DOCK10: variants seen among roughly 807,000 people sequenced by gnomAD.
DOCK10 encodes dedicator of cytokinesis 10.
DOCK10 carries 145 observed loss-of-function variants against 280.1 expected under a neutral mutation model. The observed-to-expected ratio is 0.52, with a 90% CI of 0.45 to 0.59. The LOEUF is 0.59. Among genes scored for constraint, DOCK10 ranks in the 20% least tolerant of loss-of-function variants. The probability of loss-of-function intolerance (pLI) is 0.00; values close to 1 mark genes in which losing one functional copy is unlikely to be tolerated. For synonymous variants in DOCK10, 915 were observed against 942.2 expected, an observed-to-expected ratio of 0.97 and a Z score of 0.53; for missense variants, 2,368 against 2,651.7, an observed-to-expected ratio of 0.89 and a Z score of 2.35.
At chr2:224,809,805 T>C (rs762755307) in intron 31 of DOCK10, among the ~76,000 whole-genome samples, 1 of 151,874 alleles carries the variant, frequency 6.6e-6, no homozygotes, top group Non-Finnish European at 1.5e-5. Flanking sequence ...AAAGTAAAAA[T>C]AGAGCTACCA....
chr2:224,922,203 C>G (rs1266258738), intron 2 of DOCK10, among the ~76,000 whole-genome samples: 1 of 150,508 alleles, frequency 6.6e-6, no homozygotes, highest in Non-Finnish European at 1.5e-5. Flanking sequence ...CATTTTAGAT[C>G]TCTTTAATGT....
chr2:224,784,450 C>T lies in DOCK10; in HGVS notation c.5655+2572G>A, dbSNP rs77178531. Among the ~76,000 whole-genome samples, 480 of 152,324 alleles carry T rather than the reference C, an allele frequency of 3.2e-3. 1 individual carries two copies. The highest frequency in any genetic ancestry group is 0.01 in the African/African-American group (426 of 41,562). The stretch of plus-strand genomic sequence containing the variant: ...AGATACGTGGTACCCATACTTATCT[C>T]TGTGTGTGTTTGTGTATGTAAGGCT... On this transcript the variant is annotated intron_variant, in intron 50 of 55. Coordinates refer to ENST00000258390, the MANE Select transcript of DOCK10 (RefSeq NM_014689.3).
intron 1 of DOCK10, among the ~76,000 whole-genome samples, chr2:225,006,679 G>T (rs1310329367): frequency 6.6e-6 from 1 of 152,134 alleles, no homozygotes; most frequent in Non-Finnish European, 1.5e-5. Flanking sequence ...TTGTATTGAT[G>T]GTTTCAATCT....
chr2:224,900,976 G>GAGAATCA (rs1700266370), intron 3 of DOCK10, among the ~76,000 whole-genome samples: 1 of 144,240 alleles, frequency 6.9e-6, no homozygotes, highest in Admixed American at 6.6e-5. Context: ...GTGGGTAGAT[G>GAGAATCA]AGAATCACAG....
intron 1 of DOCK10, among the ~76,000 whole-genome samples, chr2:224,985,146 TGAC>T (rs1705937374): frequency 6.6e-6 from 1 of 152,216 alleles, no homozygotes; most frequent in Non-Finnish European, 1.5e-5. Context: ...TACTAATAAA[TGAC>T]CTTTGGAGAT....
chr2:224,823,743 T>G, intron 27 of DOCK10, 96 bp from the exon 28 acceptor site: 2 of 1,189,180 alleles, frequency 1.7e-6, no homozygotes, highest in Non-Finnish European at 2.3e-6. Flanking sequence ...TTATAGGTCA[T>G]TAAAGAAAAA....
Position 224,806,145 on chromosome 2 carries a change from A to G in DOCK10, c.3795T>C (p.Asp1265=). ...AAGTACCTGCTATGGAATTTAAAAC[A>G]TCTTTAGAAAATGATGTATCCACAG... The part of the protein sequence containing the change: ...ANSVDTSFSK[D]VLNSIAAFSS... Residue 1265 remains aspartate, a synonymous_variant, in exon 34 of 56, where the codon GAT becomes GAC. Transcript: ENST00000258390. 6.2e-7 allele frequency: 1 copy of G among 1,604,740 alleles called. No individual in the cohort carries two copies. The highest frequency in any genetic ancestry group is 1.1e-5 in the South Asian group (1 of 90,134).
chr2:224,874,793 C>T (rs780188380), intron 8 of DOCK10, 42 bp from the exon 9 acceptor site: 66 of 1,545,528 alleles, frequency 4.3e-5, no homozygotes, highest in African/African-American at 3.1e-4. Flanking sequence ...ATATTACTCA[C>T]GAGTCACACA....
intron 19 of DOCK10, among the ~76,000 whole-genome samples, chr2:224,846,863 G>A (rs1289712408): frequency 6.6e-6 from 1 of 152,108 alleles, no homozygotes; most frequent in Non-Finnish European, 1.5e-5. Context: ...TTACTTTGTT[G>A]CCTAGGCTGG....
chr2:225,010,310 A>C (rs1470865080), intron 1 of DOCK10, among the ~76,000 whole-genome samples: 1 of 152,094 alleles, frequency 6.6e-6, no homozygotes. Context: ...CAAGAAGCCT[A>C]AACTCAGTGT....
rs184582347 is a variant in DOCK10 at position 224,913,012 on chromosome 2, G to A, written c.333+3683C>T. ...GTGCTCTCCAGCCTGGGTGACAGAG[G>A]AAAGACTCCATCTCCAAAAAAGAAA... On this transcript the variant is annotated intron_variant, in intron 3 of 55. Transcript: ENST00000258390. 4.2e-3 allele frequency among the ~76,000 whole-genome samples: 640 copies of A among 151,740 alleles called. 6 individuals carry two copies. The highest frequency in any genetic ancestry group is 3.9e-3 in the Non-Finnish European group (263 of 67,926).
Position 224,841,866 on chromosome 2 carries a change from A to C in DOCK10, c.2599T>G (p.Cys867Gly), listed in dbSNP as rs1397686305. 1 of 1,613,072 alleles carries C rather than the reference A, an allele frequency of 6.2e-7. No homozygotes were observed. Among genetic ancestry groups the C allele is most frequent in the African/African-American group, 1.3e-5 (1 of 74,844 alleles). ...DPHVNAFFQECQKREKDMSQS... is the reference protein window; with the variant it reads ...DPHVNAFFQEGQKREKDMSQS... ...GACATATCTTTCTCTCTTTTTTGGC[A>C]CTCTTGGAAAAATGCATTCACATGT... The change falls in exon 23 of 56, where the codon TGC (cysteine) becomes GGC (glycine). Residue 867 changes from cysteine (C) to glycine (G), a missense_variant. This residue lies in a region of DOCK10 where 1,209 missense variants were observed against 1,250.9 expected (regional missense o/e 0.97). Coordinates refer to ENST00000258390, the MANE Select transcript of DOCK10 (RefSeq NM_014689.3).
At chr2:225,010,254 G>C (rs559516070) in intron 1 of DOCK10, among the ~76,000 whole-genome samples, 1 of 152,214 alleles carries the variant, frequency 6.6e-6, no homozygotes, top group Admixed American at 6.5e-5. Context: ...TTTAAGCCTT[G>C]CTGTGTTTAG....
At chr2:224,980,954 T>C (rs1397427858) in intron 1 of DOCK10, among the ~76,000 whole-genome samples, 2 of 152,164 alleles carry the variant, frequency 1.3e-5, no homozygotes, top group Non-Finnish European at 2.9e-5. Flanking sequence ...AGGTTTTTTT[T>C]TGCAAATTTC....
At chr2:224,858,971 T>C (rs1697328500) in intron 14 of DOCK10, among the ~76,000 whole-genome samples, 3 of 152,212 alleles carry the variant, frequency 2.0e-5, no homozygotes, top group Non-Finnish European at 4.4e-5. Context: ...GCAGACATAT[T>C]TTTTGTGTGT....
In DOCK10 at chr2:224,805,613, G is replaced by T; in HGVS notation, c.3815-84C>A. Reference sequence around the variant, plus strand: ...AAAGGTTCACATGATGAACCAAAAAGATGTTGATACTGAGGTAGCAGCAGT... The same window carrying T: ...AAAGGTTCACATGATGAACCAAAAATATGTTGATACTGAGGTAGCAGCAGT... On this transcript the variant is annotated intron_variant, in intron 34 of 55. Coordinates refer to ENST00000258390, the MANE Select transcript of DOCK10 (RefSeq NM_014689.3). The surrounding 1 kb of genome is among the most constrained non-coding windows in gnomAD (Gnocchi z 4.3). The T allele has an allele frequency of 6.4e-7, 1 of 1,559,830 alleles. No homozygotes were observed. Among genetic ancestry groups the T allele is most frequent in the South Asian group, 1.2e-5 (1 of 86,454 alleles).
At chr2:224,993,161 G>T (rs1361432575) in intron 1 of DOCK10, among the ~76,000 whole-genome samples, 1 of 151,358 alleles carries the variant, frequency 6.6e-6, no homozygotes, top group Non-Finnish European at 1.5e-5. Flanking sequence ...GCAGGTTGAT[G>T]GAAGGAATAC....
intron 3 of DOCK10, among the ~76,000 whole-genome samples, chr2:224,901,363 G>C (rs988313331): frequency 1.8e-4 from 27 of 152,138 alleles, no homozygotes; most frequent in African/African-American, 6.5e-4. Flanking sequence ...CTTTCAACTG[G>C]AGGCTGCCAC....
chr2:224,919,644 T>G (rs1701576943), intron 2 of DOCK10, among the ~76,000 whole-genome samples: 1 of 146,116 alleles, frequency 6.8e-6, no homozygotes, highest in African/African-American at 2.5e-5. Flanking sequence ...GTGGTGAGTG[T>G]TGTGTGTGTG....
Sources: allele counts gnomAD v4.1 joint callset (sites outside exome capture counted in the v4.1 genomes callset), GRCh38; gene constraint gnomAD v4.1.1; regional missense constraint gnomAD v4.1.1; non-coding constraint Gnocchi (gnomAD v3.1); transcripts MANE v1.5; gene names NCBI Gene and HGNC (gene_info 2026-07-23, HGNC 2026-07-21).